The following RAB20 variants were observed in gnomAD, a reference collection of about 807,000 sequenced individuals.
RAB20 encodes the protein RAB20, member RAS oncogene family.
RAB20 carries 2 observed loss-of-function variants against 3.7 expected under a neutral mutation model. The observed-to-expected ratio is 0.54, with a 90% CI of 0.22 to 1.69. RAB20 has a LOEUF of 1.69. Ranked by LOEUF, RAB20 falls within the 40% of genes most tolerant of loss-of-function variation. The pLI is 0.19. For synonymous variants in RAB20, 126 were observed against 130.8 expected (o/e 0.96, Z 0.25); for missense variants, 276 against 311.9 (o/e 0.88, Z 0.87).
At chr13:110,541,664 C>T (rs1347899304) in intron 1 of RAB20, among the ~76,000 whole-genome samples, 1 of 152,196 alleles carries the variant, frequency 6.6e-6, no homozygotes. Flanking sequence ...ATTCTCTGGG[C>T]CAGAGCCCTT....
At chr13:110,561,268 G>A (rs541064618) in intron 1 of RAB20, 80 bp downstream of exon 1, 7 of 1,440,070 alleles carry the variant, frequency 4.9e-6, no homozygotes, top group Non-Finnish European at 6.4e-6. Context: ...GTGCGCGGCC[G>A]GGTGCCCTGC....
chr13:110,530,488 G>A (rs1884516874), intron 1 of RAB20, among the ~76,000 whole-genome samples: 1 of 55,548 alleles, frequency 1.8e-5, no homozygotes, highest in Admixed American at 1.9e-4. Flanking sequence ...ACAGGACCCT[G>A]GGGAAGTAGG....
chr13:110,548,826 G>A (rs978586209), intron 1 of RAB20, among the ~76,000 whole-genome samples: 2 of 152,080 alleles, frequency 1.3e-5, no homozygotes, highest in African/African-American at 2.4e-5. Flanking sequence ...ACCGAGAGGT[G>A]AGGATAACAC....
chr13:110,537,817 T>C (rs1884675357), intron 1 of RAB20, among the ~76,000 whole-genome samples: 1 of 152,062 alleles, frequency 6.6e-6, no homozygotes, highest in Admixed American at 6.5e-5. Context: ...CCAGCCCAGA[T>C]GAGACAAGCA....
chr13:110,538,194 G>C (rs138514073), intron 1 of RAB20, among the ~76,000 whole-genome samples: 11,710 of 144,596 alleles, frequency 0.081, 737 homozygotes, highest in East Asian at 0.28. Flanking sequence ...AGCCGTGGTT[G>C]TGCCACTGCA....
chr13:110,545,343 A>T (rs1366342020), intron 1 of RAB20, among the ~76,000 whole-genome samples: 4 of 152,204 alleles, frequency 2.6e-5, no homozygotes, highest in African/African-American at 9.7e-5. Flanking sequence ...ATAAAAATTT[A>T]AAAAGTATTA....
intron 1 of RAB20, among the ~76,000 whole-genome samples, chr13:110,550,898 G>GT (rs1016131893): frequency 2.6e-5 from 4 of 152,128 alleles, no homozygotes; most frequent in African/African-American, 9.7e-5. Context: ...TACTAAAGAA[G>GT]TTTTTTAGGA....
At chr13:110,552,068 C>A (rs1446082024) in intron 1 of RAB20, among the ~76,000 whole-genome samples, 2 of 151,940 alleles carry the variant, frequency 1.3e-5, no homozygotes, top group East Asian at 1.9e-4. Context: ...CAGAAGACGA[C>A]CCTGTCTCAA....
chr13:110,533,790 T>A lies in RAB20; in HGVS notation c.173-9593A>T, dbSNP rs1299388371. ...AACACTGTATTCAATTGTTTGTTGA[T>A]TTTAGTGCAGTAAGGAAGGCCCACA... On this transcript the variant is annotated intron_variant, in intron 1 of 1. Transcript: ENST00000267328. Among the ~76,000 whole-genome samples, 3 of 152,250 alleles carry A rather than the reference T, an allele frequency of 2.0e-5. No individual in the cohort carries two copies. The East Asian group carries it at 5.8e-4, about 29-fold the overall frequency.
intron 1 of RAB20, among the ~76,000 whole-genome samples, chr13:110,554,040 G>C (rs1884999618): frequency 1.3e-5 from 2 of 152,106 alleles, no homozygotes; most frequent in Non-Finnish European, 2.9e-5. Flanking sequence ...GCTTGAGCCT[G>C]GGAGTTTGAA....
At chr13:110,536,250 A>G (rs1333756065) in intron 1 of RAB20, among the ~76,000 whole-genome samples, 1 of 152,038 alleles carries the variant, frequency 6.6e-6, no homozygotes, top group Non-Finnish European at 1.5e-5. Flanking sequence ...GGCCCTGCCG[A>G]CGCCAGTTCA....
At chr13:110,558,694 GTTTT>G (rs67548367) in intron 1 of RAB20, among the ~76,000 whole-genome samples, 878 of 50,882 alleles carry the variant, frequency 0.017, 15 homozygotes, top group African/African-American at 0.053. Context: ...CTTCCCATCT[GTTTT>G]TTTTTTTTTT....
rs970326477 is a variant in RAB20 at position 110,529,065 on chromosome 13, C to T, written c.173-4868G>A. Among the ~76,000 whole-genome samples the T allele has an allele frequency of 4.6e-5, 7 of 152,306 alleles. No homozygotes were observed. In the South Asian group the frequency reaches 1.2e-3, roughly 27 times the overall value. On this transcript the variant is annotated intron_variant, in intron 1 of 1. Transcript: ENST00000267328. ...TGTCCACACCAAGAAGGGCCAGTCC[C>T]GCAGGGAACAGAAGTTCTGAATTTA...
At chr13:110,531,756 G>A (rs1288563269) in intron 1 of RAB20, among the ~76,000 whole-genome samples, 1 of 152,170 alleles carries the variant, frequency 6.6e-6, no homozygotes, top group African/African-American at 2.4e-5. Flanking sequence ...ACCTCCTGGG[G>A]CCGACTGGGC....
chr13:110,547,669 A>G (rs927793), intron 1 of RAB20, among the ~76,000 whole-genome samples: 137,875 of 152,198 alleles, frequency 0.91, 62,547 homozygotes, highest in South Asian at 0.96. Flanking sequence ...CACTCCTGGA[A>G]AATAACCTTG....
chr13:110,547,872 T>C (rs1884882096), intron 1 of RAB20, among the ~76,000 whole-genome samples: 1 of 152,232 alleles, frequency 6.6e-6, no homozygotes. Context: ...CTAATCAGCC[T>C]ACACAACAGT....
chr13:110,552,406 A>G (rs925843251), intron 1 of RAB20, among the ~76,000 whole-genome samples: 1 of 145,282 alleles, frequency 6.9e-6, no homozygotes, highest in African/African-American at 2.6e-5. Context: ...AAAAATAAAT[A>G]AATAGGGCCA....
intron 1 of RAB20, among the ~76,000 whole-genome samples, chr13:110,538,238 C>CAAAA (rs570075617): frequency 3.3e-4 from 26 of 78,148 alleles, no homozygotes; most frequent in South Asian, 4.4e-4. Flanking sequence ...GACCTTGTCT[C>CAAAA]AAAAAAAAAA....
chr13:110,556,146 G>C (rs534510149), intron 1 of RAB20, among the ~76,000 whole-genome samples: 1 of 152,340 alleles, frequency 6.6e-6, no homozygotes, highest in African/African-American at 2.4e-5. Flanking sequence ...GCTGTGGTCG[G>C]CAGATGCCCT....
Sources: gnomAD v4.1 joint callset for allele counts (sites outside exome capture counted in the v4.1 genomes callset) on GRCh38, gnomAD v4.1.1 for gene constraint, MANE v1.5 for transcripts, NCBI Gene and HGNC (gene_info 2026-07-23, HGNC 2026-07-21) for gene names.